Variants in SOX30 observed in about 807,000 individuals in gnomAD.
SOX30 encodes transcription factor SOX-30.
SOX30 carries 17 observed loss-of-function variants against 58.6 expected under a neutral mutation model. That is an observed-to-expected ratio of 0.29 (90% CI 0.20 to 0.44). The LOEUF (loss-of-function observed/expected upper bound fraction) is 0.44, where lower values mean the gene tolerates loss of function less well. Among genes scored for constraint, SOX30 ranks in the 20% least tolerant of loss-of-function variants. SOX30 has a pLI of 1.00. For synonymous variants in SOX30, 421 were observed against 400.2 expected (o/e 1.05, Z -0.62); for missense variants, 951 against 965.8 (o/e 0.98, Z 0.20).
chr5:157,651,556 G>C lies in SOX30; in HGVS notation c.523C>G (p.Leu175Val). The C allele has an allele frequency of 6.2e-7, 1 of 1,613,118 alleles. No individual in the cohort carries two copies. The highest frequency in any genetic ancestry group is 8.5e-7 in the Non-Finnish European group (1 of 1,179,932). ...TTCTCGTCCCCTCGGAAGTAGCCGA[G>C]GGCCGGCCCGGGGCCTTCCAACTTG... is the stretch of plus-strand genomic sequence containing the variant. ...VVKLEGPGPA[L>V]GYFRGDEKGK... The change falls in exon 1 of 5, where the codon CTC (leucine) becomes GTC (valine). Residue 175 changes from leucine to valine, a missense_variant. Leu to Val is a conservative substitution (Grantham distance 32). Around this residue, in one of 7 missense-constraint regions of SOX30, gnomAD observed 363 missense variants for 294.5 expected, o/e 1.23. Transcript: ENST00000265007.
At chr5:157,641,664 T>C (rs1161241652) in intron 3 of SOX30, among the ~76,000 whole-genome samples, 1 of 152,140 alleles carries the variant, frequency 6.6e-6, no homozygotes, top group Non-Finnish European at 1.5e-5. Flanking sequence ...AAAGAAATAG[T>C]AAAAGTAGTT....
chr5:157,668,923 G>A (rs146190982), intron 1 of SOX30, among the ~76,000 whole-genome samples: 3 of 152,294 alleles, frequency 2.0e-5, no homozygotes, highest in Admixed American at 6.5e-5. Flanking sequence ...CCAGGATCCT[G>A]CTGCTCATTT....
chr5:157,659,526 G>T (rs1759539184), intron 2 of SOX30, among the ~76,000 whole-genome samples: 1 of 152,216 alleles, frequency 6.6e-6, no homozygotes, highest in Non-Finnish European at 1.5e-5. Flanking sequence ...AGATGCATGG[G>T]TGTATTTCTG....
At chr5:157,662,296 A>G (rs1267202208) in intron 2 of SOX30, among the ~76,000 whole-genome samples, 1 of 152,014 alleles carries the variant, frequency 6.6e-6, no homozygotes, top group Non-Finnish European at 1.5e-5. Context: ...TCAAGGAATT[A>G]ACTGTAAGTT....
intron 2 of SOX30, among the ~76,000 whole-genome samples, chr5:157,664,075 C>T (rs980220057): frequency 8.3e-6 from 1 of 120,962 alleles, no homozygotes; most frequent in African/African-American, 4.1e-5. Context: ...CAATGACTTT[C>T]TTCACAGAAT....
chr5:157,651,671 C>A lies in SOX30; in HGVS notation c.408G>T (p.Lys136Asn), dbSNP rs1430478782. The change falls in exon 1 of 5, where the codon AAG becomes AAT. Residue 136 changes from lysine to asparagine, a missense_variant. Physicochemically the swap from Lys to Asn is moderately conservative, Grantham distance 94. Transcript: ENST00000265007. ...TGGGCCCCAGCTTCTGCTTCTTGGC[C>A]TTGACATGCAGCGCCAGGGGCTGCA... ...HPVQPLALHVKAKKQKLGPSL... is the reference protein window; with the variant it reads ...HPVQPLALHVNAKKQKLGPSL... 6.2e-6 allele frequency: 10 copies of A among 1,609,564 alleles called. No individual in the cohort carries two copies. Among genetic ancestry groups the A allele is most frequent in the Middle Eastern group, 1.7e-4 (1 of 6,048 alleles).
At chr5:157,629,558 G>A (rs1758739438) in intron 4 of SOX30, among the ~76,000 whole-genome samples, 1 of 152,166 alleles carries the variant, frequency 6.6e-6, no homozygotes, top group Admixed American at 6.5e-5. Context: ...ATCCTAGAAG[G>A]TTACATGAGT....
chr5:157,633,300 A>G lies in SOX30; in HGVS notation c.1880+4930T>C, dbSNP rs191306043. On this transcript the variant is annotated intron_variant, in intron 4 of 4. Transcript: ENST00000265007. Reference sequence around the variant, plus strand: ...CCTCGAACTCCACCTCAGCCTCCCAAGTAGCTGGGACTACAGGTGCATGAC... The same window carrying G: ...CCTCGAACTCCACCTCAGCCTCCCAGGTAGCTGGGACTACAGGTGCATGAC... Among the ~76,000 whole-genome samples, 4 of 152,270 alleles carry G rather than the reference A, an allele frequency of 2.6e-5. No individual in the cohort carries two copies. The East Asian group carries it at 5.8e-4, about 22-fold the overall frequency.
chr5:157,646,582 T>C, intron 3 of SOX30, 55 bp downstream of exon 3: 1 of 1,322,522 alleles, frequency 7.6e-7, no homozygotes, highest in Admixed American at 2.2e-5. Flanking sequence ...AAACTTGAGG[T>C]AAAATTTTCT....
intron 3 of SOX30, among the ~76,000 whole-genome samples, chr5:157,639,926 T>TA (rs781159494): frequency 6.6e-6 from 1 of 152,200 alleles, no homozygotes; most frequent in African/African-American, 2.4e-5. Context: ...AGTAGGGAAT[T>TA]AAGGGACATA....
chr5:157,630,926 T>C (rs909851138), intron 4 of SOX30, among the ~76,000 whole-genome samples: 6 of 129,184 alleles, frequency 4.6e-5, no homozygotes, highest in Non-Finnish European at 8.0e-5. Flanking sequence ...ATCTATATTA[T>C]ATATTATATA....
chr5:157,651,819 TG>T lies in SOX30; in HGVS notation c.259del (p.Gln87ArgfsTer106). ...QVLLLPQPQA[Q>X]NEEAAASSAQ... The stretch of plus-strand genomic sequence containing the variant: ...GGACGAGGCAGCGGCTTCCTCGTTC[TG>T]GGCCTGAGGCTGTGGTAGCAGCAAC... On this transcript the variant is annotated frameshift_variant, in exon 1 of 5. Transcript: ENST00000265007. LOFTEE classifies it high-confidence loss of function. 1 of 1,586,644 alleles carries T rather than the reference TG, an allele frequency of 6.3e-7. No individual in the cohort carries two copies.
exon 1 of SOX30, chr5:157,671,463 C>T: frequency 1.6e-6 from 1 of 640,808 alleles, no homozygotes; most frequent in Non-Finnish European, 2.7e-6. Context: ...CCCCCGTCCC[C>T]TTCCCCGCAG....
rs1581384756 is a variant in SOX30 at position 157,626,209 on chromosome 5, T to C, written c.*131A>G. ...AAATTTTATGAAGACATAAATTGCA[T>C]TTGGTTTTAACTCCTCAAATCACGA... On this transcript the variant is annotated 3_prime_UTR_variant, in exon 5 of 5. Transcript: ENST00000265007. 2.7e-6 allele frequency: 2 copies of C among 734,960 alleles called. No individual in the cohort carries two copies. The highest frequency in any genetic ancestry group is 4.1e-6 in the Non-Finnish European group (2 of 483,390). 45.5% of individuals were successfully genotyped at this position (734,960 alleles called of 1,614,324 possible).
chr5:157,632,614 A>G (rs1312226688), intron 4 of SOX30, among the ~76,000 whole-genome samples: 2 of 152,156 alleles, frequency 1.3e-5, no homozygotes. Context: ...CCATCTCAAA[A>G]AGAAAAAGAA....
At chr5:157,666,454 G>A (rs36148647) in intron 2 of SOX30, among the ~76,000 whole-genome samples, 14,585 of 147,312 alleles carry the variant, frequency 0.099, 865 homozygotes, top group South Asian at 0.17. Flanking sequence ...ACTATGCCCA[G>A]ATGAAAGATT....
At chr5:157,650,194 C>T (rs1389711566) in intron 1 of SOX30, among the ~76,000 whole-genome samples, 2 of 151,926 alleles carry the variant, frequency 1.3e-5, no homozygotes, top group Non-Finnish European at 2.9e-5. Context: ...TTCTTAAAAA[C>T]ACTAAAGATG....
chr5:157,668,539 TCCACTCATCCATCCAA>T (rs1477135134), intron 1 of SOX30, among the ~76,000 whole-genome samples: 32 of 152,062 alleles, frequency 2.1e-4, no homozygotes, highest in Middle Eastern at 3.4e-3. Flanking sequence ...CATCCATCCA[TCCACTCATCCATCCAA>T]CCACTCATCC....
intron 2 of SOX30, among the ~76,000 whole-genome samples, chr5:157,659,141 A>G (rs1390445028): frequency 6.6e-6 from 1 of 152,150 alleles, no homozygotes; most frequent in African/African-American, 2.4e-5. Flanking sequence ...GGCAACCAGC[A>G]CTCTGTCTAT....
Sources: gnomAD v4.1 joint callset for allele counts (sites outside exome capture counted in the v4.1 genomes callset) on GRCh38, gnomAD v4.1.1 for gene constraint, gnomAD v4.1.1 regional missense constraint, MANE v1.5 for transcripts, NCBI Gene and HGNC (gene_info 2026-07-23, HGNC 2026-07-21) for gene names.